The following SVOP variants were observed in gnomAD, a reference collection of about 807,000 sequenced individuals.
SVOP encodes SV2 related protein.
SVOP carries 17 observed loss-of-function variants against 69.1 expected under a neutral mutation model. That is an observed-to-expected ratio of 0.25 (90% CI 0.17 to 0.37). The LOEUF (loss-of-function observed/expected upper bound fraction) is 0.37. Ranked by LOEUF, SVOP falls within the 10% of genes least tolerant of loss-of-function variation. The pLI is 1.00. For synonymous variants in SVOP, 238 were observed against 238.6 expected (o/e 1.00, Z 0.02); for missense variants, 435 against 597.5 (o/e 0.73, Z 2.84).
rs1174430416 is a variant in SVOP, at chr12:108,927,461, T to C, written c.1049-4664A>G. ...TTAACTCATCTATCACCTTGTAATA[T>C]ACTATATAATTTCTCATCATGCTAT... On this transcript the variant is annotated intron_variant, in intron 11 of 15. Coordinates refer to ENST00000610966, the MANE Select transcript of SVOP (RefSeq NM_018711.5). Among the ~76,000 whole-genome samples the C allele has an allele frequency of 3.9e-5, 6 of 152,214 alleles. No individual in the cohort carries two copies. In the East Asian group the frequency reaches 1.2e-3, roughly 29 times the overall value.
At chr12:108,993,467 G>A (rs2040214604) in intron 1 of SVOP, among the ~76,000 whole-genome samples, 1 of 151,904 alleles carries the variant, frequency 6.6e-6, no homozygotes, top group Non-Finnish European at 1.5e-5. Flanking sequence ...TATCGAAAGA[G>A]CACCTGCTTT....
intron 10 of SVOP, among the ~76,000 whole-genome samples, chr12:108,935,566 T>A (rs1417960030): frequency 6.6e-6 from 1 of 152,086 alleles, no homozygotes; most frequent in Non-Finnish European, 1.5e-5. Context: ...AGAGCTAGAG[T>A]CCGTTCTGTA....
At chr12:108,915,405 T>C (rs1018194406) in intron 15 of SVOP, among the ~76,000 whole-genome samples, 3 of 152,148 alleles carry the variant, frequency 2.0e-5, no homozygotes, top group African/African-American at 7.2e-5. Flanking sequence ...GTGTATTCAA[T>C]GTCTAGCTCC....
At chr12:108,995,037 CG>C (rs2040223829) in intron 1 of SVOP, among the ~76,000 whole-genome samples, 1 of 151,656 alleles carries the variant, frequency 6.6e-6, no homozygotes, top group Admixed American at 6.6e-5. Flanking sequence ...CCCAGCTACT[CG>C]GGAGGCTGAG....
chr12:108,974,715 A>G (rs909104826), intron 4 of SVOP, among the ~76,000 whole-genome samples: 3 of 134,476 alleles, frequency 2.2e-5, no homozygotes, highest in African/African-American at 5.4e-5. Flanking sequence ...TGGGCAACAC[A>G]GAGAGACCCT....
intron 1 of SVOP, among the ~76,000 whole-genome samples, chr12:108,991,442 CTTGT>C (rs370214885): frequency 2.5e-3 from 35 of 14,028 alleles, no homozygotes; most frequent in African/African-American, 8.2e-3. Flanking sequence ...TCGGGTTTTG[CTTGT>C]TTGTTTGTTT....
At chr12:109,013,571 A>G (rs1028984942) in intron 1 of SVOP, among the ~76,000 whole-genome samples, 3 of 152,006 alleles carry the variant, frequency 2.0e-5, no homozygotes, top group Non-Finnish European at 4.4e-5. Flanking sequence ...TTGCATTTTT[A>G]GTAGAGACGG....
At chr12:109,011,210 C>T (rs2040339501) in intron 1 of SVOP, among the ~76,000 whole-genome samples, 1 of 152,078 alleles carries the variant, frequency 6.6e-6, no homozygotes, top group Non-Finnish European at 1.5e-5. Flanking sequence ...GGCCACTGCA[C>T]TATCTTATAT....
chr12:108,983,932 C>T (rs1011980180), intron 1 of SVOP, among the ~76,000 whole-genome samples, 171 bp from the exon 2 acceptor site: 50,153 of 151,998 alleles, frequency 0.33, 8,782 homozygotes, highest in African/African-American at 0.44. Flanking sequence ...AGAGTAATAA[C>T]TTCAAGAGTT....
At chr12:109,012,870 C>T (rs895152020) in intron 1 of SVOP, among the ~76,000 whole-genome samples, 7 of 151,972 alleles carry the variant, frequency 4.6e-5, no homozygotes, top group East Asian at 1.9e-4. Context: ...TTGAGGCTGC[C>T]GTGAGCCATG....
intron 6 of SVOP, among the ~76,000 whole-genome samples, chr12:108,954,730 G>T (rs931024827): frequency 6.6e-6 from 1 of 152,140 alleles, no homozygotes; most frequent in Non-Finnish European, 1.5e-5. Flanking sequence ...GTACTCTTAA[G>T]TATTTATTCT....
At chr12:108,923,651 C>T (rs991006666) in intron 11 of SVOP, among the ~76,000 whole-genome samples, 24 of 151,968 alleles carry the variant, frequency 1.6e-4, no homozygotes, top group African/African-American at 5.8e-4. Context: ...AGAAACAACA[C>T]ACATTTATCA....
intron 1 of SVOP, among the ~76,000 whole-genome samples, chr12:108,991,548 C>T (rs144182195): frequency 3.3e-5 from 5 of 152,116 alleles, no homozygotes; most frequent in East Asian, 2.0e-4. Flanking sequence ...CTCTGCCTCC[C>T]GAGTTCAAGC....
At chr12:108,976,991 C>T (rs1042801107) in intron 4 of SVOP, among the ~76,000 whole-genome samples, 1 of 152,194 alleles carries the variant, frequency 6.6e-6, no homozygotes, top group Non-Finnish European at 1.5e-5. Context: ...CTCCTTCAAG[C>T]CTTAATTCCA....
chr12:109,003,188 A>T (rs2040283494), intron 1 of SVOP, among the ~76,000 whole-genome samples: 1 of 152,124 alleles, frequency 6.6e-6, no homozygotes, highest in Non-Finnish European at 1.5e-5. Flanking sequence ...TAAGAAGCCT[A>T]ACTCTGGTTT....
chr12:108,929,871 G>A (rs12425421), intron 11 of SVOP, among the ~76,000 whole-genome samples: 9,959 of 152,210 alleles, frequency 0.065, 844 homozygotes, highest in Admixed American at 0.26. Context: ...AGTACCTGGC[G>A]TGTAGAAAAT....
chr12:109,011,244 T>A (rs769963216), intron 1 of SVOP, among the ~76,000 whole-genome samples: 1 of 151,520 alleles, frequency 6.6e-6, no homozygotes, highest in Non-Finnish European at 1.5e-5. Context: ...ATCAGACTAT[T>A]CCCCTTAAGT....
At chr12:108,985,044 T>C (rs1278477609) in intron 1 of SVOP, among the ~76,000 whole-genome samples, 7 of 151,772 alleles carry the variant, frequency 4.6e-5, no homozygotes, top group African/African-American at 1.5e-4. Flanking sequence ...CTGGGCAACA[T>C]AGTGAGATGC....
At chr12:108,999,919 G>A (rs375149531) in intron 1 of SVOP, among the ~76,000 whole-genome samples, 4 of 151,642 alleles carry the variant, frequency 2.6e-5, no homozygotes, top group Non-Finnish European at 4.4e-5. Context: ...AAGCAAGAGC[G>A]AACACATTCA....
Sources: gnomAD v4.1 joint callset for allele counts (sites outside exome capture counted in the v4.1 genomes callset) on GRCh38, gnomAD v4.1.1 for gene constraint, MANE v1.5 for transcripts, NCBI Gene and HGNC (gene_info 2026-07-23, HGNC 2026-07-21) for gene names.